The following MON2 variants were observed in gnomAD, a reference collection of about 807,000 sequenced individuals.
The protein encoded by MON2 is MON2 regulator of endosome-to-Golgi trafficking.
In MON2, 84 loss-of-function variants were observed where a neutral mutation model predicts 208.6. The observed-to-expected ratio is 0.40, with a 90% confidence interval of 0.34 to 0.48. MON2 has a LOEUF of 0.48. MON2 is among the 20% of genes least tolerant of loss of function. MON2 has a pLI of 0.59. For missense variants in MON2, 1,611 were observed against 2,015.4 expected (o/e 0.80, Z 3.84); for synonymous variants, 660 against 694.0 (o/e 0.95, Z 0.77).
intron 33 of MON2, among the ~76,000 whole-genome samples, chr12:62,586,663 A>G (rs532101562): frequency 1.2e-4 from 18 of 152,332 alleles, no homozygotes; most frequent in Non-Finnish European, 2.5e-4. Context: ...ATACACAAAA[A>G]CACTCCAAAG....
At position 62,500,886 on chromosome 12, in the gene MON2, T is replaced by C; in HGVS notation, c.663+6T>C. 1 of 1,493,268 alleles carries C rather than the reference T, an allele frequency of 6.7e-7. No individual in the cohort carries two copies. 92.5% of individuals were successfully genotyped at this position (1,493,268 alleles called of 1,614,324 possible). A position where few individuals can be genotyped will look rare whatever the true frequency, so the allele number is the denominator to read the frequency against. ...ATGCATATATGCTTTTCCAGGTATTTTAGTTGATAAAAGTAATTTTTATTC... is the reference window on the plus strand; with the variant it reads ...ATGCATATATGCTTTTCCAGGTATTCTAGTTGATAAAAGTAATTTTTATTC... On this transcript the variant is annotated splice_donor_region_variant and intron_variant, in intron 6 of 34. Coordinates refer to ENST00000393630, the MANE Select transcript of MON2 (RefSeq NM_015026.3).
At chr12:62,590,662 ATTTGTACACAATGAAT>A (rs2075369780) in intron 34 of MON2, among the ~76,000 whole-genome samples, 1 of 152,164 alleles carries the variant, frequency 6.6e-6, no homozygotes, top group African/African-American at 2.4e-5. Context: ...ACAAATGAAT[ATTTGTACACAATGAAT>A]TTTGTACACA....
At chr12:62,533,640 T>C (rs1161834936) in intron 12 of MON2, among the ~76,000 whole-genome samples, 1 of 152,180 alleles carries the variant, frequency 6.6e-6, no homozygotes. Context: ...TCTTGGATGA[T>C]TCTTGTCCAT....
At chr12:62,588,234 ACTGAATT>A (rs2075281578) in intron 34 of MON2, 78 bp downstream of exon 34, 1 of 1,000,302 alleles carries the variant, frequency 1.0e-6, no homozygotes, top group South Asian at 1.5e-5. Context: ...TGTTAATTTA[ACTGAATT>A]ATAGGAACAT....
intron 2 of MON2, among the ~76,000 whole-genome samples, chr12:62,488,821 C>G (rs2069944096): frequency 6.6e-6 from 1 of 150,702 alleles, no homozygotes; most frequent in South Asian, 2.1e-4. Flanking sequence ...AAATATTTTT[C>G]TTTGATGCCA....
chr12:62,550,029 A>G (rs2073672395), intron 23 of MON2, among the ~76,000 whole-genome samples, 199 bp downstream of exon 23: 1 of 152,222 alleles, frequency 6.6e-6, no homozygotes, highest in Non-Finnish European at 1.5e-5. Flanking sequence ...ATTTTCATAC[A>G]TTGAGCTGAA....
chr12:62,485,994 G>A (rs947979743), intron 2 of MON2, among the ~76,000 whole-genome samples: 4 of 152,184 alleles, frequency 2.6e-5, no homozygotes, highest in African/African-American at 4.8e-5. Flanking sequence ...GAGCCACTGC[G>A]CCCGGCCAGC....
intron 24 of MON2, chr12:62,553,376 T>C: frequency 6.2e-6 from 3 of 485,862 alleles, no homozygotes; most frequent in South Asian, 3.8e-5. Context: ...TCTCTGTTTC[T>C]GTCTTCATCT....
In MON2 at chr12:62,467,172, G is replaced by T; in HGVS notation, c.-36G>T. The T allele has an allele frequency of 1.3e-6, 2 of 1,582,002 alleles. No individual in the cohort carries two copies. On this transcript the variant is annotated 5_prime_UTR_variant, in exon 1 of 35. Coordinates refer to ENST00000393630, the MANE Select transcript of MON2 (RefSeq NM_015026.3). The stretch of plus-strand genomic sequence containing the variant: ...GAGCTGACCGTGCCAGAGCTTGTTT[G>T]TACCTCTCGGAAATTGGCTGGGACC...
rs1448250278 is a variant in MON2 at position 62,565,337 on chromosome 12, G to A, written c.4133G>A (p.Gly1378Glu). ...TTTTCCTGTAAACCTCCACAGTATG[G>A]ACAGCTGGAAACAAAGCACATTGCA... ...VEFSCKPPQY[G>E]QLETKHIANA... The change falls in exon 27 of 35, where the codon GGA (glycine) becomes GAA (glutamate). Residue 1378 changes from glycine (G) to glutamate (E), a missense_variant. Transcript: ENST00000393630. The A allele has an allele frequency of 1.2e-6, 2 of 1,611,922 alleles. No homozygotes were observed. Among genetic ancestry groups the A allele is most frequent in the Non-Finnish European group, 1.7e-6 (2 of 1,178,856 alleles).
At chr12:62,571,281 T>A (rs918461695) in intron 29 of MON2, 111 bp from the exon 30 acceptor site, 91 of 843,508 alleles carry the variant, frequency 1.1e-4, no homozygotes, top group Admixed American at 8.0e-4. Flanking sequence ...AATACCATCC[T>A]TTTTAAGATG....
intron 30 of MON2, among the ~76,000 whole-genome samples, chr12:62,574,471 G>A (rs1331214714): frequency 6.6e-6 from 1 of 152,036 alleles, no homozygotes; most frequent in Non-Finnish European, 1.5e-5. Context: ...TGACCTCCTG[G>A]CCTCAGGTGA....
chr12:62,514,690 CA>C (rs1385450986), intron 8 of MON2, among the ~76,000 whole-genome samples: 1 of 152,034 alleles, frequency 6.6e-6, no homozygotes, highest in African/African-American at 2.4e-5. Flanking sequence ...AAACCATATC[CA>C]GAGTGAAAAG....
At chr12:62,588,981 A>G in intron 34 of MON2, 1 of 1,061,104 alleles carries the variant, frequency 9.4e-7, no homozygotes, top group Non-Finnish European at 1.3e-6. Flanking sequence ...GAAGCACTCT[A>G]TTTGTATTAC....
chr12:62,534,571 TA>T, intron 12 of MON2, among the ~76,000 whole-genome samples: 1 of 120,848 alleles, frequency 8.3e-6, no homozygotes, highest in Middle Eastern at 4.0e-3. Flanking sequence ...ATATATATTT[TA>T]TATATATATA....
At position 62,547,113 on chromosome 12, in the gene MON2, A is replaced by C. The variant is rs547947348; in HGVS notation, c.2753+41A>C. The C allele has an allele frequency of 3.0e-5, 37 of 1,236,936 alleles. No homozygotes were observed. In the South Asian group the frequency reaches 7.6e-4, roughly 26 times the overall value. 76.6% of individuals were successfully genotyped at this position (1,236,936 alleles called of 1,614,324 possible). On this transcript the variant is annotated intron_variant, in intron 22 of 34. Transcript: ENST00000393630. ...TATTTGAGAAAAAATATGTATGAAA[A>C]ATAAAATATAAATAAAATAAAATTA...
chr12:62,520,736 CCAACCTGGT>C (rs2071984403), intron 8 of MON2, among the ~76,000 whole-genome samples: 1 of 151,442 alleles, frequency 6.6e-6, no homozygotes, highest in South Asian at 2.1e-4. Context: ...ACCAACCTGG[CCAACCTGGT>C]GAAACCCCAT....
chr12:62,481,954 C>T (rs2069466975), intron 1 of MON2, among the ~76,000 whole-genome samples: 2 of 152,178 alleles, frequency 1.3e-5, no homozygotes, highest in Admixed American at 1.3e-4. Context: ...AAAACTCATG[C>T]CAGCGTGACC....
At chr12:62,538,820 T>C (rs990100354) in intron 19 of MON2, among the ~76,000 whole-genome samples, 3 of 148,724 alleles carry the variant, frequency 2.0e-5, no homozygotes, top group Non-Finnish European at 4.6e-5. Context: ...ATAATACTTG[T>C]AATTACAATT....
Sources: gnomAD v4.1 joint callset for allele counts (sites outside exome capture counted in the v4.1 genomes callset) on GRCh38, gnomAD v4.1.1 for gene constraint, MANE v1.5 for transcripts, NCBI Gene and HGNC (gene_info 2026-07-23, HGNC 2026-07-21) for gene names.